Variants in GRHL2 observed in about 807,000 individuals in gnomAD.
GRHL2 encodes the protein grainyhead-like protein 2 homolog.
In GRHL2, 21 loss-of-function variants were observed where a neutral mutation model predicts 83.8. The observed-to-expected ratio is 0.25, with a 90% CI of 0.18 to 0.36. The LOEUF (loss-of-function observed/expected upper bound fraction) is 0.36. Among genes scored for constraint, GRHL2 ranks in the 10% least tolerant of loss-of-function variants. The probability of loss-of-function intolerance (pLI) is 1.00; values close to 1 mark genes in which losing one functional copy is unlikely to be tolerated. For synonymous variants in GRHL2, 280 were observed against 278.9 expected (o/e 1.00, Z -0.04); for missense variants, 623 against 781.8 (o/e 0.80, Z 2.42).
chr8:101,531,949 T>G (rs185102888), intron 1 of GRHL2, among the ~76,000 whole-genome samples: 24 of 152,370 alleles, frequency 1.6e-4, no homozygotes, highest in Admixed American at 1.4e-3. Flanking sequence ...TTTTAAAAAC[T>G]ATGCACTTTA....
chr8:101,613,471 A>G (rs1445979176), intron 8 of GRHL2, among the ~76,000 whole-genome samples: 6 of 150,884 alleles, frequency 4.0e-5, no homozygotes, highest in Admixed American at 3.9e-4. Context: ...TCCCAGCACA[A>G]TGCCAAGCAC....
intron 4 of GRHL2, among the ~76,000 whole-genome samples, chr8:101,566,286 A>T (rs942856252): frequency 6.6e-6 from 1 of 152,144 alleles, no homozygotes; most frequent in African/African-American, 2.4e-5. Context: ...ATGTAGTCAA[A>T]GTTGATAAGA....
chr8:101,654,972 C>T (rs944751884), intron 14 of GRHL2, among the ~76,000 whole-genome samples: 9 of 152,046 alleles, frequency 5.9e-5, no homozygotes, highest in African/African-American at 1.9e-4. Context: ...CACCTGAGGT[C>T]GGGAGTTCGA....
intron 11 of GRHL2, among the ~76,000 whole-genome samples, chr8:101,636,555 G>A (rs74924466): frequency 1.7e-4 from 26 of 152,280 alleles, no homozygotes; most frequent in East Asian, 9.6e-4. Context: ...TTTAGATCCC[G>A]CCAAAATGTC....
chr8:101,537,608 A>T (rs192319861), intron 1 of GRHL2, among the ~76,000 whole-genome samples: 86 of 152,360 alleles, frequency 5.6e-4, no homozygotes, highest in Non-Finnish European at 1.0e-3. Context: ...AAATGTAAAT[A>T]TCTGAGTGAT....
chr8:101,523,254 T>G (rs1034759864), intron 1 of GRHL2, among the ~76,000 whole-genome samples: 1 of 151,930 alleles, frequency 6.6e-6, no homozygotes, highest in Admixed American at 6.6e-5. Context: ...GATTTTTTTT[T>G]TTTCCATACA....
intron 9 of GRHL2, among the ~76,000 whole-genome samples, chr8:101,626,577 T>C (rs961852481): frequency 2.0e-5 from 3 of 151,986 alleles, no homozygotes; most frequent in Non-Finnish European, 4.4e-5. Flanking sequence ...ACTTAAGTGT[T>C]AAATAAAAAA....
chr8:101,523,936 G>A (rs538792553), intron 1 of GRHL2, among the ~76,000 whole-genome samples: 9 of 152,106 alleles, frequency 5.9e-5, no homozygotes, highest in South Asian at 4.1e-4. Context: ...TTGGTTTAAC[G>A]CAGTTGCTAC....
intron 2 of GRHL2, among the ~76,000 whole-genome samples, chr8:101,548,177 CCA>C (rs1297908252): frequency 6.6e-6 from 1 of 151,910 alleles, no homozygotes; most frequent in Non-Finnish European, 1.5e-5. Flanking sequence ...ATCCACCCAC[CCA>C]CACACACACC....
At chr8:101,636,427 C>A (rs1223533090) in intron 11 of GRHL2, among the ~76,000 whole-genome samples, 1 of 152,134 alleles carries the variant, frequency 6.6e-6, no homozygotes, top group Non-Finnish European at 1.5e-5. Flanking sequence ...ACACTGCCCT[C>A]TTACCCCACT....
intron 1 of GRHL2, among the ~76,000 whole-genome samples, chr8:101,519,185 A>AT (rs573866039): frequency 0.01 from 1,456 of 143,072 alleles, 8 homozygotes; most frequent in African/African-American, 0.018. Context: ...TTCTTCATTG[A>AT]TTTTTTTTTT....
chr8:101,526,514 TTC>T lies in GRHL2; in HGVS notation c.21-16725_21-16724del, dbSNP rs1326021550. Among the ~76,000 whole-genome samples the T allele has an allele frequency of 3.4e-5, 5 of 146,386 alleles. No homozygotes were observed. In the East Asian group the frequency reaches 8.3e-4, roughly 24 times the overall value. ...TGGTGGATGCAAGTTTCCAAAAATT[TTC>T]TTTTTTTCCTTTTTTTTTTTTTTTT... On this transcript the variant is annotated intron_variant, in intron 1 of 15. Coordinates refer to ENST00000646743, the MANE Select transcript of GRHL2 (RefSeq NM_024915.4).
chr8:101,513,909 G>A lies in GRHL2; in HGVS notation c.20+21120G>A, dbSNP rs558437355. Among the ~76,000 whole-genome samples, 12 of 152,232 alleles carry A rather than the reference G, an allele frequency of 7.9e-5. No individual in the cohort carries two copies. The South Asian group carries it at 1.7e-3, about 21-fold the overall frequency. ...ACAATGTTGAAATTATCTATTCCTTGAAGGTTGCTGGGCCCATGAAAGTCC... is the reference window on the plus strand; with the variant it reads ...ACAATGTTGAAATTATCTATTCCTTAAAGGTTGCTGGGCCCATGAAAGTCC... On this transcript the variant is annotated intron_variant, in intron 1 of 15. Coordinates refer to ENST00000646743, the MANE Select transcript of GRHL2 (RefSeq NM_024915.4).
intron 1 of GRHL2, among the ~76,000 whole-genome samples, 167 bp from the exon 2 acceptor site, chr8:101,543,074 A>G (rs1398794246): frequency 7.2e-5 from 11 of 152,390 alleles, no homozygotes; most frequent in Admixed American, 4.6e-4. Flanking sequence ...TAGACAGTAA[A>G]AAAATAAATC....
intron 1 of GRHL2, among the ~76,000 whole-genome samples, chr8:101,514,927 C>A (rs1021297298): frequency 6.6e-6 from 1 of 151,072 alleles, no homozygotes. Flanking sequence ...GTTCTTTCTT[C>A]TTCTCCTTTT....
chr8:101,538,998 G>A (rs532507738), intron 1 of GRHL2, among the ~76,000 whole-genome samples: 11 of 152,258 alleles, frequency 7.2e-5, no homozygotes, highest in African/African-American at 1.9e-4. Context: ...GGCTGATGGC[G>A]CTCTTAAATT....
At chr8:101,543,033 G>C (rs1439382144) in intron 1 of GRHL2, among the ~76,000 whole-genome samples, 1 of 152,066 alleles carries the variant, frequency 6.6e-6, no homozygotes, top group African/African-American at 2.4e-5. Flanking sequence ...TATACTACTG[G>C]TACTACTTTT....
chr8:101,502,037 G>A (rs1810239890), intron 1 of GRHL2, among the ~76,000 whole-genome samples: 1 of 151,916 alleles, frequency 6.6e-6, no homozygotes, highest in Non-Finnish European at 1.5e-5. Context: ...CCAAATCATT[G>A]TTTTTTGGTT....
At chr8:101,578,914 C>T (rs1811987129) in intron 7 of GRHL2, among the ~76,000 whole-genome samples, 3 of 152,176 alleles carry the variant, frequency 2.0e-5, no homozygotes, top group Admixed American at 2.0e-4. Flanking sequence ...AATAGTTAAG[C>T]CGCTCCTCAC....
Sources: allele counts gnomAD v4.1 joint callset (sites outside exome capture counted in the v4.1 genomes callset), GRCh38; gene constraint gnomAD v4.1.1; transcripts MANE v1.5; gene names NCBI Gene and HGNC (gene_info 2026-07-23, HGNC 2026-07-21).